SLC39A8: variants seen among roughly 807,000 people sequenced by gnomAD.
SLC39A8 encodes solute carrier family 39 member 8.
A neutral mutation model predicts 40.4 loss-of-function variants in SLC39A8; 15 were observed. That is an observed-to-expected ratio of 0.37 (90% confidence interval 0.25 to 0.57). SLC39A8 has a LOEUF of 0.57. SLC39A8 is among the 20% of genes least tolerant of loss of function. The pLI, the probability that SLC39A8 is intolerant of heterozygous loss-of-function variation, is 0.75. For synonymous variants in SLC39A8, 223 were observed against 221.6 expected (o/e 1.01, Z -0.06); for missense variants, 472 against 558.8 (o/e 0.84, Z 1.57).
intron 6 of SLC39A8, among the ~76,000 whole-genome samples, chr4:102,271,598 G>C (rs905752794): frequency 6.6e-6 from 1 of 152,196 alleles, no homozygotes. Context: ...CAGGGCAAGA[G>C]GACCAGGTGG....
chr4:102,339,366 T>C (rs1014317090), intron 2 of SLC39A8, among the ~76,000 whole-genome samples: 1 of 151,586 alleles, frequency 6.6e-6, no homozygotes, highest in African/African-American at 2.4e-5. Context: ...CTTCTGTCCA[T>C]AGTCAGTGCT....
At chr4:102,255,270 A>C (rs1731681631) in intron 11 of SLC39A8, among the ~76,000 whole-genome samples, 1 of 152,198 alleles carries the variant, frequency 6.6e-6, no homozygotes, top group South Asian at 2.1e-4. Flanking sequence ...CAGAAACCCA[A>C]ATCAAATTAG....
chr4:102,320,168 C>CATATATATAT (rs70937533), intron 2 of SLC39A8, among the ~76,000 whole-genome samples: 1 of 101,936 alleles, frequency 9.8e-6, no homozygotes, highest in South Asian at 3.5e-4. Context: ...TATATATATA[C>CATATATATAT]ATATATATAT....
chr4:102,281,061 C>A lies in SLC39A8; in HGVS notation c.841-12982G>T, dbSNP rs17032410. On this transcript the variant is annotated intron_variant, in intron 6 of 8. Transcript: ENST00000356736. ...TTATACCACTCTAAAAGGCTGCTTA[C>A]TGTTGCTACAGATGAGGATGGCATT... 8.8e-3 allele frequency among the ~76,000 whole-genome samples: 1,337 copies of A among 152,250 alleles called. 21 individuals are homozygous for A. The highest frequency in any genetic ancestry group is 0.031 in the African/African-American group (1,277 of 41,538).
intron 2 of SLC39A8, among the ~76,000 whole-genome samples, chr4:102,322,745 G>T (rs2149045881): frequency 6.6e-6 from 1 of 152,254 alleles, no homozygotes; most frequent in African/African-American, 2.4e-5. Context: ...TCTGTGGGAG[G>T]CTGAGTAGCT....
chr4:102,330,655 T>G (rs1176852428), intron 2 of SLC39A8, among the ~76,000 whole-genome samples: 1 of 152,020 alleles, frequency 6.6e-6, no homozygotes, highest in Non-Finnish European at 1.5e-5. Flanking sequence ...AAAGAGAGAC[T>G]CTTCCCTAAC....
intron 3 of SLC39A8, among the ~76,000 whole-genome samples, chr4:102,311,261 A>G (rs1179954604): frequency 6.6e-6 from 1 of 152,150 alleles, no homozygotes; most frequent in Non-Finnish European, 1.5e-5. Flanking sequence ...AGTTATTACA[A>G]GAATAAAATA....
At chr4:102,288,242 T>C (rs912490989) in intron 6 of SLC39A8, among the ~76,000 whole-genome samples, 1 of 152,124 alleles carries the variant, frequency 6.6e-6, no homozygotes, top group Non-Finnish European at 1.5e-5. Context: ...ATATCTATTA[T>C]GGTGATCTGT....
At chr4:102,328,454 A>T (rs1455353419) in intron 2 of SLC39A8, among the ~76,000 whole-genome samples, 1 of 152,216 alleles carries the variant, frequency 6.6e-6, no homozygotes, top group Non-Finnish European at 1.5e-5. Flanking sequence ...AAACCAGCAG[A>T]ATAGAGAGTT....
In SLC39A8 at chr4:102,265,468, AGGTTTG is replaced by A. The variant is rs144759444; in HGVS notation, c.1233+2016_1233+2021del. On this transcript the variant is annotated intron_variant, in intron 8 of 8. Coordinates refer to ENST00000356736, the MANE Select transcript of SLC39A8 (RefSeq NM_001135146.2). ...AACAGATATTATAATAATAATGAAA[AGGTTTG>A]AAATCGTTTAAAAATTAACAAAATG... Among the ~76,000 whole-genome samples the A allele has an allele frequency of 9.1e-3, 1,387 of 152,346 alleles. 14 individuals carry two copies. Among genetic ancestry groups the A allele is most frequent in the Non-Finnish European group, 0.013 (886 of 68,036 alleles).
chr4:102,298,594 G>A (rs558690705), intron 6 of SLC39A8, among the ~76,000 whole-genome samples: 1 of 152,078 alleles, frequency 6.6e-6, no homozygotes, highest in South Asian at 2.1e-4. Context: ...AATAGTAAAT[G>A]GTCTTTTAGT....
intron 8 of SLC39A8, 132 bp downstream of exon 8, chr4:102,267,358 G>A (rs1358332236): frequency 2.8e-6 from 2 of 717,162 alleles, no homozygotes; most frequent in East Asian, 2.8e-5. Flanking sequence ...GTTGAAATGG[G>A]ATTGTTCTGA....
rs73836548 is a variant in SLC39A8 at position 102,253,268 on chromosome 4, T to C, written c.*461A>G. ...CAAAGTCCCTAGAAAGAAGAGGCTG[T>C]ATCTTCCTTACTCCTTTTGAGAAAC... On this transcript the variant is annotated 3_prime_UTR_variant and NMD_transcript_variant, in exon 12 of 12. Transcript: ENST00000424970. The C allele has an allele frequency of 0.049, 21,991 of 444,508 alleles. 669 individuals carry two copies. The highest frequency in any genetic ancestry group is 0.092 in the African/African-American group (4,494 of 49,062). 27.5% of individuals were successfully genotyped at this position (444,508 alleles called of 1,614,324 possible). A position where few individuals can be genotyped will look rare whatever the true frequency, so the allele number is the denominator to read the frequency against.
downstream of SLC39A8, among the ~76,000 whole-genome samples, chr4:102,257,779 A>C (rs1041123170): frequency 1.3e-5 from 2 of 152,190 alleles, no homozygotes; most frequent in Non-Finnish European, 2.9e-5. Context: ...CCACTTACCA[A>C]CTTACTAACA....
rs2149060007 is a variant in SLC39A8 at position 102,344,334 on chromosome 4, A to G, written c.219+110T>C. 8 of 734,002 alleles carry G rather than the reference A, an allele frequency of 1.1e-5. No homozygotes were observed. The East Asian group carries it at 2.0e-4, about 18-fold the overall frequency. 45.5% of individuals were successfully genotyped at this position (734,002 alleles called of 1,614,324 possible). ...AGATACCGCCTTCTACTTGAGAAAT[A>G]TAACAAGATTCTTTCTCCTGCACTT... On this transcript the variant is annotated intron_variant, in intron 2 of 8. Coordinates refer to ENST00000356736, the MANE Select transcript of SLC39A8 (RefSeq NM_001135146.2).
At chr4:102,260,927 A>G (rs768747839), downstream of SLC39A8, among the ~76,000 whole-genome samples, 1 of 152,206 alleles carries the variant, frequency 6.6e-6, no homozygotes, top group Non-Finnish European at 1.5e-5. Flanking sequence ...CTTGCCTGAA[A>G]TCTTACTAGT....
chr4:102,267,716 T>C, intron 7 of SLC39A8, 42 bp from the exon 8 acceptor site: 1 of 1,553,630 alleles, frequency 6.4e-7, no homozygotes, highest in Non-Finnish European at 8.7e-7. Context: ...TAGTTTTTTT[T>C]TTATTTCTGG....
chr4:102,344,966 A>C (rs1736113384), intron 1 of SLC39A8, 51 bp from the exon 2 acceptor site: 2 of 1,120,072 alleles, frequency 1.8e-6, no homozygotes, highest in Non-Finnish European at 2.2e-6. Flanking sequence ...CCAGGGCACC[A>C]GCCGGCAGGC....
chr4:102,272,455 G>A (rs1417322480), intron 6 of SLC39A8, among the ~76,000 whole-genome samples: 1 of 151,450 alleles, frequency 6.6e-6, no homozygotes, highest in Non-Finnish European at 1.5e-5. Flanking sequence ...AAGAAAGAAA[G>A]AAAAAATTAC....
Sources: allele counts gnomAD v4.1 joint callset (sites outside exome capture counted in the v4.1 genomes callset), GRCh38; gene constraint gnomAD v4.1.1; transcripts MANE v1.5; gene names NCBI Gene and HGNC (gene_info 2026-07-23, HGNC 2026-07-21).